Variants in EBF2 observed in about 807,000 individuals in gnomAD.
EBF2 encodes the protein EBF transcription factor 2.
EBF2 carries 21 observed loss-of-function variants against 72.8 expected under a neutral mutation model. The observed-to-expected ratio is 0.29, with a 90% CI of 0.20 to 0.42. The LOEUF (loss-of-function observed/expected upper bound fraction) is 0.42, where lower values mean the gene tolerates loss of function less well. EBF2 is among the 10% of genes least tolerant of loss of function. The pLI, the probability that EBF2 is intolerant of heterozygous loss-of-function variation, is 1.00. For missense variants in EBF2, 637 were observed against 731.2 expected, an observed-to-expected ratio of 0.87 and a Z score of 1.49; for synonymous variants, 299 against 274.2, an observed-to-expected ratio of 1.09 and a Z score of -0.89.
At chr8:25,946,692 T>G (rs951588855) in intron 6 of EBF2, among the ~76,000 whole-genome samples, 1 of 152,220 alleles carries the variant, frequency 6.6e-6, no homozygotes, top group Admixed American at 6.5e-5. Flanking sequence ...TCTGCCTCCC[T>G]TTCATATCCA....
At chr8:25,911,813 GT>G (rs1302694626) in intron 6 of EBF2, among the ~76,000 whole-genome samples, 2 of 152,180 alleles carry the variant, frequency 1.3e-5, no homozygotes, top group Non-Finnish European at 2.9e-5. Context: ...TGAGACGTAG[GT>G]GAAACCCACT....
chr8:25,868,863 T>G (rs1204649254), intron 10 of EBF2, among the ~76,000 whole-genome samples: 1 of 152,202 alleles, frequency 6.6e-6, no homozygotes, highest in Non-Finnish European at 1.5e-5. Context: ...GTTGAGTCGC[T>G]CCATATATAA....
chr8:25,850,536 T>C (rs536487515), intron 15 of EBF2, 58 bp downstream of exon 15: 2 of 1,466,656 alleles, frequency 1.4e-6, no homozygotes, highest in African/African-American at 2.9e-5. Flanking sequence ...TGCTGTTTGC[T>C]CTTACTTTGC....
intron 6 of EBF2, among the ~76,000 whole-genome samples, chr8:25,998,808 C>T (rs1395820311): frequency 3.3e-5 from 5 of 152,134 alleles, no homozygotes; most frequent in Admixed American, 2.6e-4. Flanking sequence ...GGCAATTAAG[C>T]ACACTACCTG....
At chr8:25,883,358 C>A (rs887852057) in intron 10 of EBF2, among the ~76,000 whole-genome samples, 2 of 151,938 alleles carry the variant, frequency 1.3e-5, no homozygotes, top group African/African-American at 2.4e-5. Flanking sequence ...GCCCCTATAA[C>A]CCTTTTTTAT....
intron 6 of EBF2, among the ~76,000 whole-genome samples, chr8:25,984,964 C>A: frequency 6.7e-6 from 1 of 150,266 alleles, no homozygotes; most frequent in African/African-American, 2.5e-5. Flanking sequence ...TATGGCTCTA[C>A]AATAAGCAAA....
intron 6 of EBF2, among the ~76,000 whole-genome samples, chr8:26,027,956 G>A (rs893674850): frequency 2.0e-5 from 3 of 152,248 alleles, no homozygotes; most frequent in East Asian, 1.9e-4. Context: ...ATGTGCTTGC[G>A]GGGGTAGGAG....
rs1805668164 is a variant in EBF2, at chr8:26,044,544, C to T, written c.131+185G>A. ...GTTCAGGAACTCGAGTGCCGGCTGC[C>T]GGGTGAGCGTTCGCCTGACTGCAGC... On this transcript the variant is annotated intron_variant, in intron 1 of 15. Coordinates refer to ENST00000520164, the MANE Select transcript of EBF2 (RefSeq NM_022659.4). This position sits in a 1 kb window ranked among gnomAD's most constrained non-coding sequence, Gnocchi z 4.1. Among the ~76,000 whole-genome samples the T allele has an allele frequency of 6.6e-6, 1 of 152,298 alleles. No individual in the cohort carries two copies. Among genetic ancestry groups the T allele is most frequent in the Non-Finnish European group, 1.5e-5 (1 of 68,032 alleles).
chr8:26,012,054 T>C (rs1234942883), intron 6 of EBF2, among the ~76,000 whole-genome samples: 1 of 152,188 alleles, frequency 6.6e-6, no homozygotes, highest in African/African-American at 2.4e-5. Context: ...ATCCATTTGT[T>C]CCTATTCTAA....
chr8:25,897,896 T>C (rs1362724377), intron 7 of EBF2, among the ~76,000 whole-genome samples: 1 of 152,144 alleles, frequency 6.6e-6, no homozygotes, highest in Non-Finnish European at 1.5e-5. Flanking sequence ...GATTGCTGGG[T>C]CAAATGATAG....
intron 6 of EBF2, among the ~76,000 whole-genome samples, chr8:25,915,804 G>GACATAA (rs1429678849): frequency 3.9e-5 from 6 of 152,066 alleles, no homozygotes; most frequent in African/African-American, 1.4e-4. Context: ...GACAGAGCAG[G>GACATAA]ATCTCCATAA....
chr8:25,945,177 C>T (rs1011447355), intron 6 of EBF2, among the ~76,000 whole-genome samples: 2 of 136,000 alleles, frequency 1.5e-5, no homozygotes, highest in African/African-American at 5.5e-5. Context: ...GACTTCATAG[C>T]CTGCATGATT....
intron 14 of EBF2, among the ~76,000 whole-genome samples, chr8:25,854,197 TAAAC>T (rs1481731859): frequency 7.3e-6 from 1 of 136,892 alleles, no homozygotes. Flanking sequence ...GTACTACTTA[TAAAC>T]AAAGTTGTCT....
At chr8:26,013,688 C>A (rs1805063380) in intron 6 of EBF2, among the ~76,000 whole-genome samples, 1 of 150,524 alleles carries the variant, frequency 6.6e-6, no homozygotes. Flanking sequence ...CATTTCCACC[C>A]ACTATTAAAA....
At chr8:26,041,047 C>T (rs748016670) in intron 2 of EBF2, 45 bp from the exon 3 acceptor site, 1 of 1,607,756 alleles carries the variant, frequency 6.2e-7, no homozygotes, top group Non-Finnish European at 8.5e-7. Context: ...TTCAGCCCCC[C>T]AAAATGAGGG....
intron 6 of EBF2, among the ~76,000 whole-genome samples, chr8:26,016,555 C>T (rs75960100): frequency 8.1e-4 from 123 of 152,250 alleles, no homozygotes; most frequent in African/African-American, 2.9e-3. Context: ...GGCCTGAATG[C>T]TTTAAGAGGG....
chr8:25,996,550 GCA>G (rs1308178030), intron 6 of EBF2, among the ~76,000 whole-genome samples: 1 of 151,362 alleles, frequency 6.6e-6, no homozygotes, highest in African/African-American at 2.4e-5. Context: ...GGCCAAAACT[GCA>G]CACAGAGGAA....
At chr8:25,905,089 A>G (rs1803012835) in intron 7 of EBF2, among the ~76,000 whole-genome samples, 1 of 152,238 alleles carries the variant, frequency 6.6e-6, no homozygotes, top group Non-Finnish European at 1.5e-5. Flanking sequence ...TAAGCACATG[A>G]AAAGATGCTC....
At chr8:25,908,651 A>T in intron 6 of EBF2, 96 bp from the exon 7 acceptor site, 1 of 843,170 alleles carries the variant, frequency 1.2e-6, no homozygotes, top group Non-Finnish European at 1.9e-6. Context: ...CAGCGATTCT[A>T]TTTCAGATCT....
Sources: allele counts gnomAD v4.1 joint callset (sites outside exome capture counted in the v4.1 genomes callset), GRCh38; gene constraint gnomAD v4.1.1; non-coding constraint Gnocchi (gnomAD v3.1); transcripts MANE v1.5; gene names NCBI Gene and HGNC (gene_info 2026-07-23, HGNC 2026-07-21).